C13orf42: variants seen among roughly 807,000 people sequenced by gnomAD.
The protein encoded by C13orf42 is chromosome 13 open reading frame 42.
intron 3 of C13orf42, among the ~76,000 whole-genome samples, chr13:51,085,114 C>A (rs1404796224): frequency 6.6e-6 from 1 of 151,472 alleles, no homozygotes; most frequent in Non-Finnish European, 1.5e-5. Context: ...AGGAGCAGTG[C>A]ACCAGGCTAG....
intron 1 of C13orf42, among the ~76,000 whole-genome samples, chr13:51,107,305 C>A (rs528449910): frequency 9.2e-5 from 14 of 152,166 alleles, no homozygotes; most frequent in African/African-American, 3.1e-4. Context: ...TGTGTCATGA[C>A]AATTTTTTTA....
chr13:51,169,945 G>T (rs1029434815), intron 1 of C13orf42, among the ~76,000 whole-genome samples: 1 of 152,200 alleles, frequency 6.6e-6, no homozygotes, highest in Non-Finnish European at 1.5e-5. Context: ...TGAAGTAACT[G>T]AAGAATCACA....
At chr13:51,091,893 G>A (rs988644669) in intron 1 of C13orf42, among the ~76,000 whole-genome samples, 4 of 152,146 alleles carry the variant, frequency 2.6e-5, no homozygotes, top group African/African-American at 7.2e-5. Context: ...ATTGAGGGAC[G>A]AGAACAAAAC....
chr13:51,170,225 G>A (rs1341248065), intron 1 of C13orf42, among the ~76,000 whole-genome samples: 2 of 152,000 alleles, frequency 1.3e-5, no homozygotes, highest in South Asian at 2.1e-4. Context: ...GACTCTTTTC[G>A]GACTCAGCCT....
upstream of C13orf42, among the ~76,000 whole-genome samples, chr13:51,115,781 C>G (rs746714103): frequency 3.3e-5 from 5 of 152,156 alleles, no homozygotes; most frequent in Non-Finnish European, 5.9e-5. Flanking sequence ...AGTTCGACAA[C>G]GTGTATCCCA....
chr13:51,124,390 G>A (rs181104510), intron 1 of C13orf42, among the ~76,000 whole-genome samples: 2 of 152,228 alleles, frequency 1.3e-5, no homozygotes, highest in Non-Finnish European at 2.9e-5. Context: ...TTGATAAATC[G>A]GCTGTCTAGG....
intron 1 of C13orf42, among the ~76,000 whole-genome samples, chr13:51,106,227 C>T (rs1376997139): frequency 6.6e-6 from 1 of 152,186 alleles, no homozygotes; most frequent in Admixed American, 6.5e-5. Flanking sequence ...TACCTTCTGG[C>T]CACTTCCTTT....
chr13:51,166,667 T>G (rs956549157), intron 1 of C13orf42, among the ~76,000 whole-genome samples: 1 of 152,024 alleles, frequency 6.6e-6, no homozygotes, highest in Non-Finnish European at 1.5e-5. Context: ...ATTTTTGACT[T>G]TGAAATAGCA....
chr13:51,163,113 G>A (rs1000119009), intron 1 of C13orf42, among the ~76,000 whole-genome samples: 11 of 152,180 alleles, frequency 7.2e-5, no homozygotes, highest in African/African-American at 2.4e-4. Flanking sequence ...AACCCCTTGA[G>A]GTTGAGGAAA....
chr13:51,115,259 T>C (rs1237947817), upstream of C13orf42, among the ~76,000 whole-genome samples: 1 of 152,178 alleles, frequency 6.6e-6, no homozygotes, highest in Non-Finnish European at 1.5e-5. Flanking sequence ...CTTAATAATA[T>C]TCAGCTAGAA....
intron 1 of C13orf42, among the ~76,000 whole-genome samples, chr13:51,132,441 A>C (rs570835648): frequency 1.6e-4 from 24 of 152,100 alleles, no homozygotes; most frequent in Admixed American, 1.3e-3. Flanking sequence ...AAAACAAAAA[A>C]AAAAAAGCAG....
At chr13:51,166,656 C>CA (rs1953904483) in intron 1 of C13orf42, among the ~76,000 whole-genome samples, 1 of 150,884 alleles carries the variant, frequency 6.6e-6, no homozygotes, top group African/African-American at 2.4e-5. Context: ...CTTTCCGGTA[C>CA]ATTTTTGACT....
At chr13:51,139,393 AAAG>A (rs1355763002) in intron 1 of C13orf42, among the ~76,000 whole-genome samples, 1 of 152,172 alleles carries the variant, frequency 6.6e-6, no homozygotes, top group African/African-American at 2.4e-5. Flanking sequence ...GAGATGAGGA[AAAG>A]AAGAATTGCT....
intron 1 of C13orf42, among the ~76,000 whole-genome samples, chr13:51,169,520 C>T (rs1213773140): frequency 6.6e-6 from 1 of 152,182 alleles, no homozygotes; most frequent in African/African-American, 2.4e-5. Context: ...AGGGAAAATG[C>T]CTCAAAGGCA....
At chr13:51,162,531 T>A (rs1419370817) in intron 1 of C13orf42, among the ~76,000 whole-genome samples, 1 of 152,250 alleles carries the variant, frequency 6.6e-6, no homozygotes, top group Non-Finnish European at 1.5e-5. Context: ...GTTTTTAGTT[T>A]GTCTATTTTA....
In C13orf42 at chr13:51,083,463, C is replaced by T. The variant is rs148703802; in HGVS notation, c.*688G>A. The stretch of plus-strand genomic sequence containing the variant: ...AGAAAAGAATCACCCCATCTCCCTT[C>T]TTCTCTTGTCAATTGCCTATGTGAA... On this transcript the variant is annotated 3_prime_UTR_variant, in exon 4 of 4. Coordinates refer to ENST00000563710, the MANE Select transcript of C13orf42 (RefSeq NM_001351589.3). 1 of 152,180 alleles carries T rather than the reference C, an allele frequency of 6.6e-6. No individual in the cohort carries two copies. Among genetic ancestry groups the T allele is most frequent in the Non-Finnish European group, 1.5e-5 (1 of 68,042 alleles). 9.4% of individuals were successfully genotyped at this position (152,180 alleles called of 1,614,324 possible).
chr13:51,151,785 C>T (rs1281539580), intron 1 of C13orf42, among the ~76,000 whole-genome samples: 1 of 152,222 alleles, frequency 6.6e-6, no homozygotes, highest in African/African-American at 2.4e-5. Flanking sequence ...CTTCCTGGAG[C>T]AGAGGAGACA....
chr13:51,158,112 C>A (rs573226500), intron 1 of C13orf42, among the ~76,000 whole-genome samples: 1 of 152,296 alleles, frequency 6.6e-6, no homozygotes, highest in Non-Finnish European at 1.5e-5. Flanking sequence ...GATATTATTC[C>A]CATTTTGCAG....
chr13:51,133,109 C>T (rs1953631807), intron 1 of C13orf42, among the ~76,000 whole-genome samples: 1 of 152,230 alleles, frequency 6.6e-6, no homozygotes, highest in Non-Finnish European at 1.5e-5. Context: ...TTCAGGGCTG[C>T]TCTGTCTGTG....
Sources: allele counts gnomAD v4.1 joint callset (sites outside exome capture counted in the v4.1 genomes callset), GRCh38; gene constraint gnomAD v4.1.1; transcripts MANE v1.5; gene names NCBI Gene and HGNC (gene_info 2026-07-23, HGNC 2026-07-21).